LETM1: variants seen among roughly 807,000 people sequenced by gnomAD.
LETM1 encodes mitochondrial proton/calcium exchanger protein.
LETM1 carries 50 observed loss-of-function variants against 74.5 expected under a neutral mutation model. The observed-to-expected ratio is 0.67, with a 90% CI of 0.53 to 0.85. LETM1 has a LOEUF of 0.85. Among genes scored for constraint, LETM1 ranks in the 40% least tolerant of loss-of-function variants. The pLI, the probability that LETM1 is intolerant of heterozygous loss-of-function variation, is 0.00. For synonymous variants in LETM1, 446 were observed against 407.1 expected, an observed-to-expected ratio of 1.10 and a Z score of -1.15; for missense variants, 824 against 967.8, an observed-to-expected ratio of 0.85 and a Z score of 1.97.
chr4:1,836,326 A>G lies in LETM1; in HGVS notation c.738+103T>C. On this transcript the variant is annotated intron_variant, in intron 4 of 13. Transcript: ENST00000302787. This position sits in a 1 kb window ranked among gnomAD's most constrained non-coding sequence, Gnocchi z 5.8. The stretch of plus-strand genomic sequence containing the variant: ...GCACAAGGACAATATGAAGATACAT[A>G]AAGTCTCAAAAATATCTAGCACCTG... 1 of 1,128,358 alleles carries G rather than the reference A, an allele frequency of 8.9e-7. No homozygotes were observed. The highest frequency in any genetic ancestry group is 2.4e-5 in the East Asian group (1 of 42,422). The allele number at this position is 1,128,358 out of a possible 1,614,324, so 69.9% of individuals were successfully genotyped here. A position where few individuals can be genotyped will look rare whatever the true frequency, so the allele number is the denominator to read the frequency against.
At position 1,812,713 on chromosome 4, in the gene LETM1, C is replaced by T. The variant is rs1722504689; in HGVS notation, c.*1711G>A. 6.6e-6 allele frequency: 1 copy of T among 152,380 alleles called. No homozygotes were observed. 9.4% of individuals were successfully genotyped at this position (152,380 alleles called of 1,614,324 possible). On this transcript the variant is annotated 3_prime_UTR_variant, in exon 14 of 14. Transcript: ENST00000302787. Reference sequence around the variant, plus strand: ...GGAGCAAGCCTGCATCAGAGCACGGCTGATGTCACGGAAGCCACCAAAGGC... The same window carrying T: ...GGAGCAAGCCTGCATCAGAGCACGGTTGATGTCACGGAAGCCACCAAAGGC...
At chr4:1,828,818 C>A (rs1389456456) in intron 6 of LETM1, among the ~76,000 whole-genome samples, 6 of 132,802 alleles carry the variant, frequency 4.5e-5, no homozygotes, top group East Asian at 2.4e-4. Context: ...GGGGCTGACC[C>A]CCCCCACCTC....
chr4:1,836,824 T>C lies in LETM1; in HGVS notation c.595-252A>G, dbSNP rs544635162. On this transcript the variant is annotated intron_variant, in intron 3 of 13. Coordinates refer to ENST00000302787, the MANE Select transcript of LETM1 (RefSeq NM_012318.3). The surrounding 1 kb of genome is among the most constrained non-coding windows in gnomAD (Gnocchi z 5.8). ...GGTGCTGACACCAAGGGCCACTGGG[T>C]GCTCCCAGCGATCGAGTCCTCCGAG... is the stretch of plus-strand genomic sequence containing the variant. Among the ~76,000 whole-genome samples, 15 of 152,120 alleles carry C rather than the reference T, an allele frequency of 9.9e-5. No homozygotes were observed. Among genetic ancestry groups the C allele is most frequent in the Non-Finnish European group, 1.5e-4 (10 of 67,980 alleles).
At chr4:1,841,266 G>C in intron 3 of LETM1, 81 bp downstream of exon 3, 1 of 1,309,836 alleles carries the variant, frequency 7.6e-7, no homozygotes, top group Non-Finnish European at 1.1e-6. Context: ...GATCGCCCAT[G>C]CCCAGGAAAT....
At chr4:1,819,968 C>T (rs1308528149) in intron 10 of LETM1, among the ~76,000 whole-genome samples, 2 of 152,204 alleles carry the variant, frequency 1.3e-5, no homozygotes, top group Non-Finnish European at 2.9e-5. Flanking sequence ...GACAGGGTCT[C>T]ACTCTGTTGC....
At chr4:1,844,790 G>A (rs1712821025) in intron 2 of LETM1, among the ~76,000 whole-genome samples, 1 of 146,914 alleles carries the variant, frequency 6.8e-6, no homozygotes, top group South Asian at 2.3e-4. Flanking sequence ...GCTCACACCT[G>A]TAATCCCAGC....
intron 3 of LETM1, 31 bp downstream of exon 3, chr4:1,841,316 G>C: frequency 1.3e-6 from 2 of 1,585,672 alleles, no homozygotes; most frequent in Non-Finnish European, 1.7e-6. Context: ...GAGCAAGAAA[G>C]AAAAGAAAGG....
Position 1,812,838 on chromosome 4 carries a change from G to A in LETM1, c.*1586C>T, listed in dbSNP as rs970600085. On this transcript the variant is annotated 3_prime_UTR_variant, in exon 14 of 14. Transcript: ENST00000302787. ...GAGTCCAGGGCAGAGGGGACAGTGG[G>A]ATGGGCTGCCTGTTGCAGTGGCTGT... The A allele has an allele frequency of 2.6e-5, 4 of 152,362 alleles. No individual in the cohort carries two copies. Among genetic ancestry groups the A allele is most frequent in the African/African-American group, 9.6e-5 (4 of 41,468 alleles). The allele number at this position is 152,362 out of a possible 1,614,324, so 9.4% of individuals were successfully genotyped here.
rs1712496484 is a variant in LETM1 at position 1,837,433 on chromosome 4, T to C, written c.595-861A>G. 2.6e-5 allele frequency among the ~76,000 whole-genome samples: 4 copies of C among 152,314 alleles called. No individual in the cohort carries two copies. In the South Asian group the frequency reaches 8.3e-4, roughly 32 times the overall value. The stretch of plus-strand genomic sequence containing the variant: ...CCTTCCTATACATTCATTTTTCTGT[T>C]TTTTTATCGCACTGGACCCATGGAC... On this transcript the variant is annotated intron_variant, in intron 3 of 13. Coordinates refer to ENST00000302787, the MANE Select transcript of LETM1 (RefSeq NM_012318.3).
In LETM1 at chr4:1,834,557, C is replaced by T; in HGVS notation, c.876+288G>A. The T allele has an allele frequency of 8.3e-7, 1 of 1,198,498 alleles. No individual in the cohort carries two copies. Among genetic ancestry groups the T allele is most frequent in the Non-Finnish European group, 1.0e-6 (1 of 959,840 alleles). 74.2% of individuals were successfully genotyped at this position (1,198,498 alleles called of 1,614,324 possible). On this transcript the variant is annotated intron_variant, in intron 5 of 13. Coordinates refer to ENST00000302787, the MANE Select transcript of LETM1 (RefSeq NM_012318.3). The surrounding 1 kb of genome is among the most constrained non-coding windows in gnomAD (Gnocchi z 5.0). Reference sequence around the variant, plus strand: ...CCTCACACCATCAGGGTCTCAGGCTCCTCATGGGTCAGATTCTACTGCTCC... The same window carrying T: ...CCTCACACCATCAGGGTCTCAGGCTTCTCATGGGTCAGATTCTACTGCTCC...
At chr4:1,837,622 C>A (rs922707175) in intron 3 of LETM1, among the ~76,000 whole-genome samples, 1 of 151,054 alleles carries the variant, frequency 6.6e-6, no homozygotes, top group African/African-American at 2.4e-5. Flanking sequence ...CCATAACATT[C>A]AACTATTTTA....
intron 1 of LETM1, among the ~76,000 whole-genome samples, chr4:1,850,824 G>C (rs1713045512): frequency 6.6e-6 from 1 of 150,994 alleles, no homozygotes; most frequent in Non-Finnish European, 1.5e-5. Flanking sequence ...AAATTAGCCG[G>C]ACATGATGGC....
At chr4:1,838,191 C>T (rs772170608) in intron 3 of LETM1, among the ~76,000 whole-genome samples, 24 of 151,898 alleles carry the variant, frequency 1.6e-4, no homozygotes, top group Admixed American at 1.6e-3. Context: ...CCTCTGCCTC[C>T]CGAGTTCAAG....
At chr4:1,821,327 C>T (rs917459943) in intron 10 of LETM1, among the ~76,000 whole-genome samples, 9 of 151,572 alleles carry the variant, frequency 5.9e-5, no homozygotes, top group Non-Finnish European at 4.4e-5. Context: ...CTCCTGACCC[C>T]GTGATCCGCC....
At position 1,812,100 on chromosome 4, in the gene LETM1, G is replaced by A. The variant is rs575444730; in HGVS notation, c.*2324C>T. 5 of 151,808 alleles carry A rather than the reference G, an allele frequency of 3.3e-5. No individual in the cohort carries two copies. Among genetic ancestry groups the A allele is most frequent in the African/African-American group, 1.2e-4 (5 of 41,370 alleles). The allele number at this position is 151,808 out of a possible 1,614,324, so 9.4% of individuals were successfully genotyped here. Reference sequence around the variant, plus strand: ...TGTAGTCCTGGCTACTCGGGAGGCTGAGGCAGGAGAATGGCGTGAACCCAG... The same window carrying A: ...TGTAGTCCTGGCTACTCGGGAGGCTAAGGCAGGAGAATGGCGTGAACCCAG... On this transcript the variant is annotated 3_prime_UTR_variant, in exon 14 of 14. Coordinates refer to ENST00000302787, the MANE Select transcript of LETM1 (RefSeq NM_012318.3).
At position 1,811,959 on chromosome 4, in the gene LETM1, G is replaced by A. The variant is rs1360592430; in HGVS notation, c.*2465C>T. The A allele has an allele frequency of 1.3e-5, 2 of 152,126 alleles. No individual in the cohort carries two copies. The highest frequency in any genetic ancestry group is 4.8e-5 in the African/African-American group (2 of 41,404). The allele number at this position is 152,126 out of a possible 1,614,324, so 9.4% of individuals were successfully genotyped here. A position where few individuals can be genotyped will look rare whatever the true frequency, so the allele number is the denominator to read the frequency against. On this transcript the variant is annotated 3_prime_UTR_variant, in exon 14 of 14. Transcript: ENST00000302787. ...CTTGCCCGTAATCCCAGCACTTTGG[G>A]AGGCCGAGGTGAGTAGATCACGAAG...
At chr4:1,827,830 G>A (rs1230839808) in intron 6 of LETM1, among the ~76,000 whole-genome samples, 3 of 150,888 alleles carry the variant, frequency 2.0e-5, no homozygotes, top group Non-Finnish European at 3.0e-5. Context: ...GGTGGTGGCC[G>A]GGCAGAGGGG....
At chr4:1,835,537 G>A (rs189765244) in intron 4 of LETM1, among the ~76,000 whole-genome samples, 22 of 152,262 alleles carry the variant, frequency 1.4e-4, no homozygotes, top group African/African-American at 4.8e-4. Flanking sequence ...CACACTTTCC[G>A]TAATGGGCTA....
chr4:1,814,530 C>T lies in LETM1; in HGVS notation c.2114G>A (p.Ser705Asn), dbSNP rs765944262. Residue 705 changes from serine to asparagine, a missense_variant, in exon 14 of 14, where the codon AGC (serine) becomes AAC (asparagine). Physicochemically the swap from Ser to Asn is conservative, Grantham distance 46. Coordinates refer to ENST00000302787, the MANE Select transcript of LETM1 (RefSeq NM_012318.3). ...VDKEDVHIST[S>N]QVAEIVATLE... is the part of the protein sequence containing the mutation. Reference sequence around the variant, plus strand: ...TGTTGCTACAATCTCAGCCACCTGGCTGGTGGAGATGTGAACATCTTCTTT... The same window carrying T: ...TGTTGCTACAATCTCAGCCACCTGGTTGGTGGAGATGTGAACATCTTCTTT... 6.1e-5 allele frequency: 98 copies of T among 1,613,808 alleles called. No homozygotes were observed. Among genetic ancestry groups the T allele is most frequent in the Non-Finnish European group, 7.3e-5 (86 of 1,179,894 alleles).
Sources: allele counts gnomAD v4.1 joint callset (sites outside exome capture counted in the v4.1 genomes callset), GRCh38; gene constraint gnomAD v4.1.1; non-coding constraint Gnocchi (gnomAD v3.1); transcripts MANE v1.5; gene names NCBI Gene and HGNC (gene_info 2026-07-23, HGNC 2026-07-21).